The following EIF4G3 variants were observed in gnomAD, a reference collection of about 807,000 sequenced individuals.
EIF4G3 encodes the protein eIF-4-gamma 3.
EIF4G3 carries 34 observed loss-of-function variants against 186.4 expected under a neutral mutation model. That is an observed-to-expected ratio of 0.18 (90% CI 0.14 to 0.24). The LOEUF (loss-of-function observed/expected upper bound fraction) is 0.24. Ranked by LOEUF, EIF4G3 falls within the 10% of genes least tolerant of loss-of-function variation. EIF4G3 has a pLI of 1.00. For missense variants in EIF4G3, 1,536 were observed against 1,948.5 expected (o/e 0.79, Z 3.99); for synonymous variants, 673 against 679.5 (o/e 0.99, Z 0.15).
chr1:21,079,917 C>T (rs2095713010), intron 3 of EIF4G3, among the ~76,000 whole-genome samples: 1 of 150,816 alleles, frequency 6.6e-6, no homozygotes, highest in Non-Finnish European at 1.5e-5. Context: ...TTTGGGAGGC[C>T]GAGGCAGGTG....
intron 15 of EIF4G3, among the ~76,000 whole-genome samples, chr1:20,904,347 A>G (rs1407557610): frequency 6.6e-6 from 1 of 152,154 alleles, no homozygotes; most frequent in Non-Finnish European, 1.5e-5. Context: ...AAAAATTGTC[A>G]TTTTATTTAT....
intron 7 of EIF4G3, among the ~76,000 whole-genome samples, chr1:20,987,729 T>TA (rs1024340624): frequency 2.0e-5 from 3 of 152,136 alleles, no homozygotes; most frequent in African/African-American, 4.8e-5. Flanking sequence ...TAGACCTTCC[T>TA]ATTCAGCAGA....
chr1:20,972,836 TG>T (rs1205902603), intron 11 of EIF4G3, among the ~76,000 whole-genome samples, 165 bp downstream of exon 11: 3 of 151,406 alleles, frequency 2.0e-5, no homozygotes, highest in African/African-American at 7.3e-5. Flanking sequence ...TCTAATTACA[TG>T]CCCATACAAA....
chr1:20,925,708 A>AT (rs927572200), intron 14 of EIF4G3, among the ~76,000 whole-genome samples: 9 of 152,088 alleles, frequency 5.9e-5, no homozygotes, highest in Non-Finnish European at 1.0e-4. Context: ...TAATGTTTAA[A>AT]TTTTTTGTAG....
chr1:20,851,757 C>A (rs1279426522), intron 27 of EIF4G3, among the ~76,000 whole-genome samples: 1 of 152,120 alleles, frequency 6.6e-6, no homozygotes, highest in Non-Finnish European at 1.5e-5. Flanking sequence ...GTGGCTCACA[C>A]CTGTAATCCC....
At chr1:21,170,991 T>TA (rs5772940) in intron 2 of EIF4G3, among the ~76,000 whole-genome samples, 2 of 149,022 alleles carry the variant, frequency 1.3e-5, no homozygotes, top group African/African-American at 4.9e-5. Flanking sequence ...AAAAATAAAT[T>TA]AAAAAAAAAA....
At chr1:21,166,123 C>CTTTTTTTTTTTTTTT (rs1573668577) in intron 2 of EIF4G3, among the ~76,000 whole-genome samples, 30 of 105,550 alleles carry the variant, frequency 2.8e-4, no homozygotes, top group South Asian at 6.0e-4. Flanking sequence ...CTTTTTTTTC[C>CTTTTTTTTTTTTTTT]TTTTAAAAAT....
chr1:20,811,596 C>T (rs1482680681), intron 35 of EIF4G3, among the ~76,000 whole-genome samples: 4 of 152,154 alleles, frequency 2.6e-5, no homozygotes, highest in African/African-American at 7.2e-5. Flanking sequence ...TCAGGAGTAG[C>T]GTACCCAATT....
At chr1:21,160,961 G>A (rs979224762) in intron 2 of EIF4G3, among the ~76,000 whole-genome samples, 6 of 151,622 alleles carry the variant, frequency 4.0e-5, no homozygotes, top group East Asian at 1.9e-4. Flanking sequence ...ACTTGAGGTC[G>A]GGAGTTCGTG....
chr1:20,929,076 C>T (rs1373388253), intron 14 of EIF4G3, among the ~76,000 whole-genome samples: 2 of 152,080 alleles, frequency 1.3e-5, no homozygotes, highest in African/African-American at 4.8e-5. Context: ...TATCATGGTC[C>T]GATATTTCAT....
At chr1:21,120,159 G>C (rs566331437) in intron 2 of EIF4G3, among the ~76,000 whole-genome samples, 1 of 148,730 alleles carries the variant, frequency 6.7e-6, no homozygotes, top group Admixed American at 6.9e-5. Flanking sequence ...ATACATACTA[G>C]ATAAATGATG....
chr1:21,168,426 T>A (rs1432473191), intron 2 of EIF4G3, among the ~76,000 whole-genome samples: 1 of 151,522 alleles, frequency 6.6e-6, no homozygotes, highest in Non-Finnish European at 1.5e-5. Context: ...AAAAAAAGTA[T>A]CTCTTTTTAT....
chr1:20,855,263 C>A (rs1390844798), intron 25 of EIF4G3, among the ~76,000 whole-genome samples, 192 bp from the exon 26 acceptor site: 3 of 152,178 alleles, frequency 2.0e-5, no homozygotes, highest in South Asian at 2.1e-4. Flanking sequence ...TGAAGCACTT[C>A]CCTGGACTCC....
intron 26 of EIF4G3, among the ~76,000 whole-genome samples, chr1:20,854,706 AAAATATAT>A (rs919256437): frequency 7.3e-6 from 1 of 136,664 alleles, no homozygotes; most frequent in African/African-American, 3.1e-5. Flanking sequence ...TCCCATCTCA[AAAATATAT>A]AAATAAATAA....
chr1:20,956,633 A>G (rs1287678960), intron 12 of EIF4G3, among the ~76,000 whole-genome samples: 1 of 151,736 alleles, frequency 6.6e-6, no homozygotes, highest in African/African-American at 2.4e-5. Flanking sequence ...AAAAAAAAAA[A>G]AAAACAAGGA....
chr1:20,850,285 T>G (rs1001658617), intron 28 of EIF4G3, among the ~76,000 whole-genome samples: 2 of 152,200 alleles, frequency 1.3e-5, no homozygotes, highest in Admixed American at 6.5e-5. Context: ...TGTGCTACAT[T>G]ATTCATTACA....
chr1:20,824,348 C>T (rs2063099721), intron 33 of EIF4G3, among the ~76,000 whole-genome samples: 1 of 152,188 alleles, frequency 6.6e-6, no homozygotes, highest in South Asian at 2.1e-4. Context: ...AAGTCATTTT[C>T]AGATTGCATT....
intron 2 of EIF4G3, among the ~76,000 whole-genome samples, chr1:21,134,961 C>T (rs531370101): frequency 6.6e-6 from 1 of 152,030 alleles, no homozygotes; most frequent in South Asian, 2.1e-4. Flanking sequence ...GTTTTCAAAC[C>T]AGATGTGCCA....
chr1:21,142,892 C>CA (rs2097364416), intron 2 of EIF4G3, among the ~76,000 whole-genome samples: 1 of 151,950 alleles, frequency 6.6e-6, no homozygotes, highest in Non-Finnish European at 1.5e-5. Flanking sequence ...TAGTCATTTC[C>CA]AAAAAATGGA....
Sources: allele counts gnomAD v4.1 joint callset (sites outside exome capture counted in the v4.1 genomes callset), GRCh38; gene constraint gnomAD v4.1.1; transcripts MANE v1.5; gene names NCBI Gene and HGNC (gene_info 2026-07-23, HGNC 2026-07-21).